Variants in EPHA5 observed in about 807,000 individuals in gnomAD.
The protein encoded by EPHA5 is ephrin type-A receptor 5.
A neutral mutation model predicts 105.0 loss-of-function variants in EPHA5; 60 were observed. The observed-to-expected ratio is 0.57, with a 90% confidence interval of 0.46 to 0.71. The LOEUF (loss-of-function observed/expected upper bound fraction) is 0.71, where lower values mean the gene tolerates loss of function less well. Ranked by LOEUF, EPHA5 falls within the 30% of genes least tolerant of loss-of-function variation. The probability of loss-of-function intolerance (pLI) is 0.00; values close to 1 mark genes in which losing one functional copy is unlikely to be tolerated. For missense variants in EPHA5, 1,218 were observed against 1,274.7 expected, an observed-to-expected ratio of 0.96 and a Z score of 0.68; for synonymous variants, 513 against 449.1, an observed-to-expected ratio of 1.14 and a Z score of -1.80.
chr4:65,525,168 T>C (rs1735112598), intron 3 of EPHA5, among the ~76,000 whole-genome samples: 1 of 151,758 alleles, frequency 6.6e-6, no homozygotes, highest in African/African-American at 2.4e-5. Flanking sequence ...GATTATTAAC[T>C]ATTAACTAGT....
At chr4:65,515,823 C>A (rs753109156) in intron 3 of EPHA5, among the ~76,000 whole-genome samples, 1 of 152,102 alleles carries the variant, frequency 6.6e-6, no homozygotes, top group African/African-American at 2.4e-5. Flanking sequence ...CTGAGAAAAG[C>A]ATCACCCTTG....
At chr4:65,370,213 G>A (rs1279555915) in intron 8 of EPHA5, among the ~76,000 whole-genome samples, 1 of 152,000 alleles carries the variant, frequency 6.6e-6, no homozygotes, top group Admixed American at 6.6e-5. Flanking sequence ...ATGAAAAGGA[G>A]GGAAGAAACA....
At chr4:65,368,163 CTCT>C (rs1430182255) in intron 8 of EPHA5, among the ~76,000 whole-genome samples, 1 of 151,966 alleles carries the variant, frequency 6.6e-6, no homozygotes, top group African/African-American at 2.4e-5. Context: ...ATGCTTTTTG[CTCT>C]TCTCCACATT....
chr4:65,462,609 C>T lies in EPHA5; in HGVS notation c.1402+27768G>A, dbSNP rs548082318. 3.3e-5 allele frequency among the ~76,000 whole-genome samples: 5 copies of T among 152,214 alleles called. No homozygotes were observed. The South Asian group carries it at 1.0e-3, about 32-fold the overall frequency. ...ACCAGATGACCTGGTCAGGGCACTC[C>T]CTCTCTCCACATGCTCTCTCATCTT... On this transcript the variant is annotated intron_variant, in intron 5 of 16. Coordinates refer to ENST00000613740, the MANE Select transcript of EPHA5 (RefSeq NM_001281766.3).
At chr4:65,538,443 A>T (rs766991817) in intron 3 of EPHA5, among the ~76,000 whole-genome samples, 1 of 151,790 alleles carries the variant, frequency 6.6e-6, no homozygotes, top group Non-Finnish European at 1.5e-5. Flanking sequence ...TGAATGTAGA[A>T]CTAATACTTT....
At chr4:65,468,854 T>G (rs1448386344) in intron 5 of EPHA5, among the ~76,000 whole-genome samples, 1 of 151,626 alleles carries the variant, frequency 6.6e-6, no homozygotes, top group Non-Finnish European at 1.5e-5. Flanking sequence ...TGCTAAGATT[T>G]AATCCCTAAA....
chr4:65,449,878 ACAGGTCCTCCTTTAGTACTTT>A (rs1179420451), intron 5 of EPHA5, among the ~76,000 whole-genome samples: 1 of 151,996 alleles, frequency 6.6e-6, no homozygotes, highest in Non-Finnish European at 1.5e-5. Context: ...GAGGCCTGAA[ACAGGTCCTCCTTTAGTACTTT>A]CAGAGAGATC....
intron 14 of EPHA5, among the ~76,000 whole-genome samples, chr4:65,346,084 C>CTCT (rs113760130): frequency 1.6e-4 from 24 of 145,458 alleles, no homozygotes; most frequent in East Asian, 4.0e-4. Flanking sequence ...TTTTCTCTCT[C>CTCT]TTTTTTTTTT....
chr4:65,377,121 G>T, intron 8 of EPHA5: 1 of 1,490,694 alleles, frequency 6.7e-7, no homozygotes, highest in Non-Finnish European at 9.1e-7. Flanking sequence ...CTCAAATATA[G>T]CATAAAGACA....
chr4:65,583,191 G>A (rs73225781), intron 3 of EPHA5, among the ~76,000 whole-genome samples: 6,111 of 151,428 alleles, frequency 0.04, 414 homozygotes, highest in African/African-American at 0.14. Context: ...ATATTCTAAG[G>A]AGAGAGGAAA....
intron 3 of EPHA5, among the ~76,000 whole-genome samples, chr4:65,591,797 T>A (rs1742687682): frequency 6.6e-6 from 1 of 152,158 alleles, no homozygotes. Flanking sequence ...TATTAATAGA[T>A]GAAAGTTACT....
chr4:65,562,250 C>A (rs1016712797), intron 3 of EPHA5, among the ~76,000 whole-genome samples: 1 of 152,032 alleles, frequency 6.6e-6, no homozygotes, highest in African/African-American at 2.4e-5. Context: ...TTATAAATTT[C>A]CCCCACTACT....
rs112392931 is a variant in EPHA5, at chr4:65,476,511, A to G, written c.1402+13866T>C. ...AAACCTAATACCCATGTTCTCACTTATAAGTGGAAGCCAAACATTGGGAAC... is the reference window on the plus strand; with the variant it reads ...AAACCTAATACCCATGTTCTCACTTGTAAGTGGAAGCCAAACATTGGGAAC... On this transcript the variant is annotated intron_variant, in intron 5 of 16. Coordinates refer to ENST00000613740, the MANE Select transcript of EPHA5 (RefSeq NM_001281766.3). Among the ~76,000 whole-genome samples the G allele has an allele frequency of 1.6e-3, 237 of 152,312 alleles. 1 individual carries two copies. Among genetic ancestry groups the G allele is most frequent in the African/African-American group, 5.3e-3 (221 of 41,584 alleles).
intron 5 of EPHA5, among the ~76,000 whole-genome samples, chr4:65,454,388 T>G (rs1446339099): frequency 6.6e-6 from 1 of 152,154 alleles, no homozygotes; most frequent in Admixed American, 6.6e-5. Context: ...AAAAATCTTT[T>G]TAGTTGTGTA....
chr4:65,603,785 T>C lies in EPHA5; in HGVS notation c.247-1481A>G, dbSNP rs549308270. ...TCAGTTCTTTCACTAAATCTCATTTTTGTCCTCTCTCAAAATGTATATATA... is the reference window on the plus strand; with the variant it reads ...TCAGTTCTTTCACTAAATCTCATTTCTGTCCTCTCTCAAAATGTATATATA... On this transcript the variant is annotated intron_variant, in intron 2 of 16. Coordinates refer to ENST00000613740, the MANE Select transcript of EPHA5 (RefSeq NM_001281766.3). Among the ~76,000 whole-genome samples the C allele has an allele frequency of 2.0e-5, 3 of 152,242 alleles. No individual in the cohort carries two copies. The South Asian group carries it at 6.2e-4, about 32-fold the overall frequency.
At chr4:65,454,697 A>C (rs1313963137) in intron 5 of EPHA5, among the ~76,000 whole-genome samples, 1 of 152,238 alleles carries the variant, frequency 6.6e-6, no homozygotes, top group Non-Finnish European at 1.5e-5. Context: ...GATGCCTATT[A>C]TAACTTAAAT....
At chr4:65,568,547 T>C (rs968632161) in intron 3 of EPHA5, among the ~76,000 whole-genome samples, 1 of 151,146 alleles carries the variant, frequency 6.6e-6, no homozygotes, top group African/African-American at 2.4e-5. Context: ...GCATCCCTTT[T>C]TTTTAAACAT....
chr4:65,451,687 A>G (rs1334909112), intron 5 of EPHA5, among the ~76,000 whole-genome samples: 1 of 152,174 alleles, frequency 6.6e-6, no homozygotes, highest in East Asian at 1.9e-4. Context: ...AACTTTCTAT[A>G]TAATAGCACT....
intron 3 of EPHA5, among the ~76,000 whole-genome samples, chr4:65,592,441 G>T (rs181809872): frequency 2.0e-5 from 3 of 151,816 alleles, no homozygotes; most frequent in African/African-American, 7.3e-5. Context: ...GTACCAAGTG[G>T]GGAGACCTTC....
Sources: allele counts gnomAD v4.1 joint callset (sites outside exome capture counted in the v4.1 genomes callset), GRCh38; gene constraint gnomAD v4.1.1; transcripts MANE v1.5; gene names NCBI Gene and HGNC (gene_info 2026-07-23, HGNC 2026-07-21).